The following ANXA11 variants were observed in gnomAD, a reference collection of about 807,000 sequenced individuals.
ANXA11 encodes annexin A11, also known as 56 kDa autoantigen.
ANXA11 carries 57 observed loss-of-function variants against 64.7 expected under a neutral mutation model. The observed-to-expected ratio is 0.88, with a 90% CI of 0.71 to 1.10. The LOEUF (loss-of-function observed/expected upper bound fraction) is 1.10. Ranked by LOEUF, ANXA11 falls within the 50% of genes least tolerant of loss-of-function variation. The pLI is 0.00. For synonymous variants in ANXA11, 260 were observed against 265.2 expected (o/e 0.98, Z 0.19); for missense variants, 675 against 670.7 (o/e 1.01, Z -0.07).
At chr10:80,163,431 T>C (rs1371161414) in intron 10 of ANXA11, 26 bp from the exon 11 acceptor site, 5 of 1,614,072 alleles carry the variant, frequency 3.1e-6, no homozygotes, top group Non-Finnish European at 4.2e-6. Context: ...TGTATGGTCA[T>C]GCCCACTCCT....
chr10:80,164,841 C>T lies in ANXA11; in HGVS notation c.859-698G>A, dbSNP rs559810535. On this transcript the variant is annotated intron_variant, in intron 8 of 15. Coordinates refer to ENST00000422982, the MANE Select transcript of ANXA11 (RefSeq NM_145868.2). ...CATGAGGATTAAGTGAGTTAATGTA[C>T]GTAGAGCACTTAGGGCCTGTCAGGC... Among the ~76,000 whole-genome samples, 29 of 152,344 alleles carry T rather than the reference C, an allele frequency of 1.9e-4. No homozygotes were observed. In the East Asian group the frequency reaches 3.9e-3, roughly 20 times the overall value.
At chr10:80,156,439 G>A (rs1213531087) in intron 15 of ANXA11, 1 of 471,858 alleles carries the variant, frequency 2.1e-6, no homozygotes, top group Non-Finnish European at 4.4e-6. Context: ...TAAGCAACTT[G>A]AGGGCAAGGC....
rs1161380078 is a variant in ANXA11 at position 80,166,151 on chromosome 10, T to G, written c.791A>C (p.Lys264Thr). 1.9e-6 allele frequency: 3 copies of G among 1,613,698 alleles called. No homozygotes were observed. The highest frequency in any genetic ancestry group is 1.1e-5 in the South Asian group (1 of 91,020). ...LKSELSGNFE[K>T]TILALMKTPV... is the part of the protein sequence containing the mutation. The stretch of plus-strand genomic sequence containing the variant: ...GGTCTTCATCAGAGCCAAGATTGTC[T>G]TCTCAAAGTTTCCTGACAGTTCAGA... The change falls in exon 8 of 16, where the codon AAG becomes ACG. Residue 264 changes from lysine to threonine, a missense_variant. Transcript: ENST00000422982.
Position 80,201,642 on chromosome 10 carries a change from C to T in ANXA11, c.-58+3701G>A, listed in dbSNP as rs1355105721. On this transcript the variant is annotated intron_variant, in intron 1 of 15. Coordinates refer to ENST00000422982, the MANE Select transcript of ANXA11 (RefSeq NM_145868.2). ...TTTAAGCACACCACGCAGGGCGAGG[C>T]CAACAGTGGGTTCTCAGTAATAAGC... is the stretch of plus-strand genomic sequence containing the variant. Among the ~76,000 whole-genome samples the T allele has an allele frequency of 2.0e-5, 3 of 152,200 alleles. No individual in the cohort carries two copies. The East Asian group carries it at 5.8e-4, about 29-fold the overall frequency.
intron 1 of ANXA11, among the ~76,000 whole-genome samples, chr10:80,177,868 C>A (rs1283803490): frequency 1.3e-5 from 2 of 152,196 alleles, no homozygotes; most frequent in Admixed American, 1.3e-4. Flanking sequence ...AGGCTCCCAG[C>A]GCTGACCAAT....
intron 4 of ANXA11, among the ~76,000 whole-genome samples, chr10:80,170,182 C>A (rs1021001232): frequency 6.6e-6 from 1 of 152,150 alleles, no homozygotes; most frequent in Non-Finnish European, 1.5e-5. Flanking sequence ...AAGTGCAGCA[C>A]GGCTGAGATT....
chr10:80,158,276 G>A (rs755003827), intron 13 of ANXA11, among the ~76,000 whole-genome samples: 7 of 152,192 alleles, frequency 4.6e-5, no homozygotes, highest in Non-Finnish European at 7.3e-5. Context: ...AAAGGACCAA[G>A]AGTCAGAGGG....
At chr10:80,163,312 G>T in intron 11 of ANXA11, 37 bp downstream of exon 11, 1 of 1,611,442 alleles carries the variant, frequency 6.2e-7, no homozygotes. Context: ...GTGCATCCCT[G>T]CTTTAGGAAG....
At chr10:80,158,725 C>T (rs1384301134) in intron 13 of ANXA11, among the ~76,000 whole-genome samples, 2 of 152,198 alleles carry the variant, frequency 1.3e-5, no homozygotes, top group Non-Finnish European at 2.9e-5. Flanking sequence ...AAAAATCTTT[C>T]CACGTGTTTC....
intron 5 of ANXA11, among the ~76,000 whole-genome samples, 167 bp downstream of exon 5, chr10:80,168,802 G>A (rs1183294452): frequency 1.3e-5 from 2 of 152,188 alleles, no homozygotes; most frequent in African/African-American, 4.8e-5. Flanking sequence ...TTCCCAAAGT[G>A]CTGGGATTAC....
chr10:80,176,360 T>C (rs967884205), intron 1 of ANXA11, among the ~76,000 whole-genome samples: 2 of 152,148 alleles, frequency 1.3e-5, no homozygotes, highest in Non-Finnish European at 2.9e-5. Flanking sequence ...GTGTATGTAC[T>C]AAGCTAATAA....
intron 3 of ANXA11, chr10:80,171,987 A>C: frequency 4.4e-6 from 4 of 913,716 alleles, no homozygotes; most frequent in Non-Finnish European, 5.2e-6. Context: ...CACCTGCTGA[A>C]TGGGAGGGAA....
intron 1 of ANXA11, among the ~76,000 whole-genome samples, chr10:80,176,783 C>G (rs1321094192): frequency 6.6e-6 from 1 of 152,166 alleles, no homozygotes; most frequent in Non-Finnish European, 1.5e-5. Context: ...CAGCAGGAGT[C>G]AAAATCTGCC....
At position 80,155,771 on chromosome 10, in the gene ANXA11, T is replaced by C; in HGVS notation, c.*82A>G. On this transcript the variant is annotated 3_prime_UTR_variant, in exon 16 of 16. Transcript: ENST00000422982. The stretch of plus-strand genomic sequence containing the variant: ...TGAATCTCGGGGCTATTTGTGGATT[T>C]GTTAGAAACAGACATTCTTTTGGCC... 2 of 1,340,966 alleles carry C rather than the reference T, an allele frequency of 1.5e-6. No homozygotes were observed. The highest frequency in any genetic ancestry group is 2.1e-6 in the Non-Finnish European group (2 of 933,402). The allele number at this position is 1,340,966 out of a possible 1,614,324, so 83.1% of individuals were successfully genotyped here.
chr10:80,187,567 A>T (rs575376832), intron 1 of ANXA11, among the ~76,000 whole-genome samples: 35 of 149,236 alleles, frequency 2.3e-4, no homozygotes, highest in African/African-American at 6.9e-4. Context: ...ACACACACAC[A>T]CACTCTCTCT....
chr10:80,156,369 T>C (rs563613995), intron 15 of ANXA11: 36 of 472,066 alleles, frequency 7.6e-5, no homozygotes, highest in Non-Finnish European at 1.4e-4. Context: ...CTGAGGCCAC[T>C]ACACTTACTC....
At chr10:80,184,964 C>A (rs1846487116) in intron 1 of ANXA11, among the ~76,000 whole-genome samples, 1 of 152,196 alleles carries the variant, frequency 6.6e-6, no homozygotes, top group Non-Finnish European at 1.5e-5. Context: ...GCCAGTTAGT[C>A]AATTTTCTCC....
At chr10:80,188,706 T>TA (rs143674441) in intron 1 of ANXA11, among the ~76,000 whole-genome samples, 10,445 of 151,938 alleles carry the variant, frequency 0.069, 562 homozygotes, top group South Asian at 0.2. Flanking sequence ...TGGATTACTA[T>TA]GAGGACTAAA....
chr10:80,199,243 G>A lies in ANXA11; in HGVS notation c.-58+6100C>T, dbSNP rs570900618. Among the ~76,000 whole-genome samples, 16 of 151,908 alleles carry A rather than the reference G, an allele frequency of 1.1e-4. No individual in the cohort carries two copies. In the East Asian group the frequency reaches 1.9e-3, roughly 18 times the overall value. On this transcript the variant is annotated intron_variant, in intron 1 of 15. Coordinates refer to ENST00000422982, the MANE Select transcript of ANXA11 (RefSeq NM_145868.2). ...CTCCCGAGTAGCTGGGACTATAGGC[G>A]CCCGCTACCACGCCTGGATAATTTT... is the stretch of plus-strand genomic sequence containing the variant.
Sources: gnomAD v4.1 joint callset for allele counts (sites outside exome capture counted in the v4.1 genomes callset) on GRCh38, gnomAD v4.1.1 for gene constraint, MANE v1.5 for transcripts, NCBI Gene and HGNC (gene_info 2026-07-23, HGNC 2026-07-21) for gene names.